Variants in TRMT13 observed in about 807,000 individuals in gnomAD.
TRMT13 encodes tRNA methyltransferase 13.
TRMT13 carries 45 observed loss-of-function variants against 55.9 expected under a neutral mutation model. The observed-to-expected ratio is 0.80, with a 90% CI of 0.63 to 1.03. TRMT13 has a LOEUF of 1.03. Among genes scored for constraint, TRMT13 ranks in the 50% least tolerant of loss-of-function variants. The pLI is 0.00. For synonymous variants in TRMT13, 183 were observed against 196.3 expected (o/e 0.93, Z 0.57); for missense variants, 513 against 563.9 (o/e 0.91, Z 0.91).
In TRMT13 at chr1:100,136,902, A is replaced by C. The variant is rs369593726; in HGVS notation, c.168A>C (p.Arg56Ser). Residue 56 changes from arginine to serine, a missense_variant, in exon 2 of 11, where the codon AGA becomes AGC. Arg to Ser is a moderately radical substitution (Grantham distance 110, BLOSUM62 -1). Transcript: ENST00000370141. ...GAAEEEDARK[R>S]ILCPLDPKHT... ...ATTAGGAAGAAGATGCTCGGAAAAGAATCCTGTGTCCTTTAGATCCAAAAC... is the reference window on the plus strand; with the variant it reads ...ATTAGGAAGAAGATGCTCGGAAAAGCATCCTGTGTCCTTTAGATCCAAAAC... 78 of 1,600,482 alleles carry C rather than the reference A, an allele frequency of 4.9e-5. No individual in the cohort carries two copies. The highest frequency in any genetic ancestry group is 6.5e-5 in the Non-Finnish European group (76 of 1,175,818).
rs566199847 is a variant in TRMT13, at chr1:100,149,497, A to C, written c.*677A>C. On this transcript the variant is annotated 3_prime_UTR_variant, in exon 11 of 11. Transcript: ENST00000370141. ...TTTTGTTGGATAATTGTCTAGTTAGAACTTCCAAAAAGATACTTACAAACA... is the reference window on the plus strand; with the variant it reads ...TTTTGTTGGATAATTGTCTAGTTAGCACTTCCAAAAAGATACTTACAAACA... 109 of 1,441,672 alleles carry C rather than the reference A, an allele frequency of 7.6e-5. No individual in the cohort carries two copies. In the East Asian group the frequency reaches 2.1e-3, roughly 28 times the overall value. 89.3% of individuals were successfully genotyped at this position (1,441,672 alleles called of 1,614,324 possible).
In TRMT13 at chr1:100,140,862, T is replaced by C; in HGVS notation, c.512T>C (p.Leu171Ser). The C allele has an allele frequency of 6.2e-7, 1 of 1,612,622 alleles. No homozygotes were observed. Among genetic ancestry groups the C allele is most frequent in the Non-Finnish European group, 8.5e-7 (1 of 1,179,370 alleles). ...TKHLKQQASI[L>S]GNIENLKLLG... The stretch of plus-strand genomic sequence containing the variant: ...TTGTGAAGTTTGCAGGCTTCTATTT[T>C]AGGTAACATTGAAAATTTAAAGTTA... The change falls in exon 7 of 11, where the codon TTA becomes TCA. Residue 171 changes from leucine to serine, a missense_variant. Physicochemically the swap from Leu to Ser is moderately radical, Grantham distance 145. Coordinates refer to ENST00000370141, the MANE Select transcript of TRMT13 (RefSeq NM_019083.3).
In TRMT13 at chr1:100,137,054, A is replaced by G. The variant is rs1179580677; in HGVS notation, c.230A>G (p.Lys77Arg). ...GAAGATCAACTAGCAAAGCATTTGA[A>G]AAAATGTAACTCAAGAGAGAAACCA... ...VYEDQLAKHL[K>R]KCNSREKPKP... is the part of the protein sequence containing the mutation. Residue 77 changes from lysine to arginine, a missense_variant, in exon 3 of 11, where the codon AAA (lysine) becomes AGA (arginine). Physicochemically the swap from Lys to Arg is conservative, Grantham distance 26. This residue lies in a region of TRMT13 where 298 missense variants were observed against 290.3 expected (regional missense o/e 1.03). Transcript: ENST00000370141. The G allele has an allele frequency of 6.2e-6, 10 of 1,612,734 alleles. No homozygotes were observed. The highest frequency in any genetic ancestry group is 8.5e-6 in the Non-Finnish European group (10 of 1,179,760).
At position 100,136,865 on chromosome 1, in the gene TRMT13, ATC is replaced by A; in HGVS notation, c.148-13_148-12del. ...CTTGATATTTTATTTAAATAAATGTATCTCTTAATTTATTAGGAAGAAGATGC... is the reference window on the plus strand; with the variant it reads ...CTTGATATTTTATTTAAATAAATGTATCTTAATTTATTAGGAAGAAGATGC... On this transcript the variant is annotated splice_polypyrimidine_tract_variant and intron_variant, in intron 1 of 10. Transcript: ENST00000370141. 1 of 1,567,734 alleles carries A rather than the reference ATC, an allele frequency of 6.4e-7. No homozygotes were observed. Among genetic ancestry groups the A allele is most frequent in the Non-Finnish European group, 8.6e-7 (1 of 1,156,638 alleles).
In TRMT13 at chr1:100,143,127, G is replaced by A. The variant is rs755061030; in HGVS notation, c.670-10G>A. On this transcript the variant is annotated splice_polypyrimidine_tract_variant and intron_variant, in intron 7 of 10. Transcript: ENST00000370141. Reference sequence around the variant, plus strand: ...GAAGTGATTATTACAATAATGTTCTGTTTGTGCAGGTGGATGGAAAACACA... The same window carrying A: ...GAAGTGATTATTACAATAATGTTCTATTTGTGCAGGTGGATGGAAAACACA... 3.8e-6 allele frequency: 6 copies of A among 1,591,118 alleles called. 1 individual carries two copies. Among genetic ancestry groups the A allele is most frequent in the Admixed American group, 3.4e-5 (2 of 59,126 alleles).
Position 100,139,683 on chromosome 1 carries a change from G to A in TRMT13, c.296G>A (p.Arg99Lys). ...FYIQDINAGL[R>K]DETEIPEQLV... is the part of the protein sequence containing the mutation. ...ATTCAAGATATTAATGCAGGCTTAAGAGATGAAACAGAAATACCTGAACAA... is the reference window on the plus strand; with the variant it reads ...ATTCAAGATATTAATGCAGGCTTAAAAGATGAAACAGAAATACCTGAACAA... Residue 99 changes from arginine (R) to lysine (K), a missense_variant, in exon 4 of 11, where the codon AGA becomes AAA. This residue lies in a region of TRMT13 where 298 missense variants were observed against 290.3 expected (regional missense o/e 1.03). Coordinates refer to ENST00000370141, the MANE Select transcript of TRMT13 (RefSeq NM_019083.3). 1.9e-6 allele frequency: 3 copies of A among 1,541,998 alleles called. No individual in the cohort carries two copies. Among genetic ancestry groups the A allele is most frequent in the Non-Finnish European group, 2.7e-6 (3 of 1,118,272 alleles).
intron 9 of TRMT13, 61 bp downstream of exon 9, chr1:100,144,204 C>T: frequency 8.2e-7 from 1 of 1,223,558 alleles, no homozygotes; most frequent in Non-Finnish European, 1.2e-6. Flanking sequence ...AACCTGGCCC[C>T]AACCATTTCA....
rs936086877 is a variant in TRMT13 at position 100,148,798 on chromosome 1, C to T, written c.1424C>T (p.Ser475Leu). 6.6e-7 allele frequency: 1 copy of T among 1,515,698 alleles called. No individual in the cohort carries two copies. The highest frequency in any genetic ancestry group is 2.2e-5 in the Admixed American group (1 of 46,426). The allele number at this position is 1,515,698 out of a possible 1,614,324, so 93.9% of individuals were successfully genotyped here. A position where few individuals can be genotyped will look rare whatever the true frequency, so the allele number is the denominator to read the frequency against. The change falls in exon 11 of 11, where the codon TCA becomes TTA. Residue 475 changes from serine (S) to leucine (L), a missense_variant. Physicochemically the swap from Ser to Leu is moderately radical, Grantham distance 145. Transcript: ENST00000370141. ...VLLTALPNHS[S>L]SPETTA ...TTAACTGCTTTACCAAATCATTCTT[C>T]ATCACCAGAAACAACTGCTTAATGG...
chr1:100,137,132 T>G (rs919962143), intron 3 of TRMT13, 47 bp downstream of exon 3: 1 of 1,462,212 alleles, frequency 6.8e-7, no homozygotes, highest in East Asian at 2.3e-5. Flanking sequence ...TGGTATGTAA[T>G]GCCTTGGTAG....
intron 3 of TRMT13, among the ~76,000 whole-genome samples, chr1:100,137,392 C>T (rs1484793514): frequency 6.6e-6 from 1 of 152,024 alleles, no homozygotes; most frequent in African/African-American, 2.4e-5. Flanking sequence ...AGACGGGGTT[C>T]TCGCTGTGTT....
intron 6 of TRMT13, 162 bp from the exon 7 acceptor site, chr1:100,140,690 G>C: frequency 1.2e-6 from 1 of 839,318 alleles, no homozygotes; most frequent in South Asian, 1.9e-5. Flanking sequence ...GTGATTCTGA[G>C]TACCGTATAT....
rs183640594 is a variant in TRMT13, at chr1:100,134,898, A to G, written c.147+1583A>G. 8.4e-3 allele frequency among the ~76,000 whole-genome samples: 1,277 copies of G among 152,334 alleles called. 11 individuals are homozygous for G. The highest frequency in any genetic ancestry group is 0.013 in the Non-Finnish European group (902 of 68,020). On this transcript the variant is annotated intron_variant, in intron 1 of 10. Transcript: ENST00000370141. ...TACTATCTCGTTTTAAATTGTGGCT[A>G]TCCTCCTGAATCTGTAATTTATGAT...
chr1:100,145,946 GAT>G (rs917166622), intron 9 of TRMT13, among the ~76,000 whole-genome samples: 1 of 152,180 alleles, frequency 6.6e-6, no homozygotes, highest in African/African-American at 2.4e-5. Flanking sequence ...GGTACTTCCT[GAT>G]ATAGTCCAAA....
In TRMT13 at chr1:100,150,426, T is replaced by A. The variant is rs1045709924; in HGVS notation, c.*1606T>A. On this transcript the variant is annotated 3_prime_UTR_variant, in exon 11 of 11. Transcript: ENST00000370141. ...TTTTTATTGTGTCAAGCAATACTAA[T>A]TTGTGTCATAAAATTTGTTTTGCAT... The A allele has an allele frequency of 2.6e-5, 4 of 152,342 alleles. No individual in the cohort carries two copies. The highest frequency in any genetic ancestry group is 5.9e-5 in the Non-Finnish European group (4 of 68,016). The allele number at this position is 152,342 out of a possible 1,614,324, so 9.4% of individuals were successfully genotyped here. A position where few individuals can be genotyped will look rare whatever the true frequency, so the allele number is the denominator to read the frequency against.
At position 100,144,161 on chromosome 1, in the gene TRMT13, T is replaced by A; in HGVS notation, c.817+18T>A. 1 of 1,596,962 alleles carries A rather than the reference T, an allele frequency of 6.3e-7. No individual in the cohort carries two copies. The highest frequency in any genetic ancestry group is 8.6e-7 in the Non-Finnish European group (1 of 1,164,742). ...GGCAACAGGTACGTAAACATACTGA[T>A]AATGTTTACATTAATGCATTAAGTT... On this transcript the variant is annotated intron_variant, in intron 9 of 10. Transcript: ENST00000370141.
At chr1:100,140,571 T>C (rs1284808556) in intron 6 of TRMT13, 57 bp downstream of exon 6, 1 of 1,258,060 alleles carries the variant, frequency 7.9e-7, no homozygotes, top group African/African-American at 1.5e-5. Flanking sequence ...GTTAAAACTG[T>C]TTTAAATGTA....
intron 9 of TRMT13, among the ~76,000 whole-genome samples, chr1:100,145,637 AC>A (rs1378655600): frequency 1.1e-4 from 16 of 152,256 alleles, no homozygotes; most frequent in Middle Eastern, 3.4e-3. Flanking sequence ...GAAACCCAAC[AC>A]TGGAGGCTGA....
intron 8 of TRMT13, among the ~76,000 whole-genome samples, chr1:100,143,606 A>G (rs755937168): frequency 3.9e-5 from 6 of 152,186 alleles, no homozygotes; most frequent in Non-Finnish European, 8.8e-5. Context: ...AATGTGTAAA[A>G]GATACTTCCT....
intron 1 of TRMT13, among the ~76,000 whole-genome samples, chr1:100,136,128 G>T (rs1329092335): frequency 6.6e-6 from 1 of 152,150 alleles, no homozygotes; most frequent in African/African-American, 2.4e-5. Flanking sequence ...TTCTCAGAAT[G>T]TATTCCCAGT....
Sources: gnomAD v4.1 joint callset for allele counts (sites outside exome capture counted in the v4.1 genomes callset) on GRCh38, gnomAD v4.1.1 for gene constraint, gnomAD v4.1.1 regional missense constraint, MANE v1.5 for transcripts, NCBI Gene and HGNC (gene_info 2026-07-23, HGNC 2026-07-21) for gene names.